SLC9A8: variants seen among roughly 807,000 people sequenced by gnomAD.
SLC9A8 encodes the protein solute carrier family 9 member A8.
SLC9A8 carries 48 observed loss-of-function variants against 66.6 expected under a neutral mutation model. The ratio of observed to expected loss-of-function variants is 0.72; its 90% CI spans 0.57 to 0.92. The LOEUF is 0.92. SLC9A8 is among the 40% of genes least tolerant of loss of function. The probability of loss-of-function intolerance (pLI) is 0.00; values close to 1 mark genes in which losing one functional copy is unlikely to be tolerated. For missense variants in SLC9A8, 599 were observed against 747.3 expected (o/e 0.80, Z 2.31); for synonymous variants, 274 against 282.6 (o/e 0.97, Z 0.31).
chr20:49,884,336 A>ACACACACACACACACACACCC (rs1568884621), intron 14 of SLC9A8, among the ~76,000 whole-genome samples: 1 of 108,478 alleles, frequency 9.2e-6, no homozygotes, highest in Admixed American at 9.7e-5. Context: ...ACACACACAC[A>ACACACACACACACACACACCC]CCCCCCGGTC....
At chr20:49,849,442 A>G (rs757877038) in intron 5 of SLC9A8, 137 bp from the exon 6 acceptor site, 15 of 654,002 alleles carry the variant, frequency 2.3e-5, no homozygotes, top group Non-Finnish European at 3.8e-5. Flanking sequence ...CCGGGCTCCC[A>G]GCTTGCCACA....
At chr20:49,861,989 C>T (rs1404470617) in intron 8 of SLC9A8, among the ~76,000 whole-genome samples, 2 of 152,062 alleles carry the variant, frequency 1.3e-5, no homozygotes, top group African/African-American at 4.8e-5. Context: ...TATCGACTCC[C>T]CAGGCCTTCA....
At chr20:49,855,344 C>A in intron 7 of SLC9A8, 94 bp from the exon 8 acceptor site, 1 of 1,277,850 alleles carries the variant, frequency 7.8e-7, no homozygotes, top group Non-Finnish European at 1.1e-6. Context: ...TGTAGTATTG[C>A]TTTCTGTTAA....
chr20:49,839,661 G>T, intron 4 of SLC9A8, 62 bp downstream of exon 4: 2 of 1,039,012 alleles, frequency 1.9e-6, no homozygotes, highest in Middle Eastern at 2.2e-4. Flanking sequence ...TGGCTTTTTT[G>T]TAATTACTTG....
chr20:49,886,051 C>T lies in SLC9A8; in HGVS notation c.1492-701C>T, dbSNP rs2089878761. On this transcript the variant is annotated intron_variant, in intron 14 of 15. Coordinates refer to ENST00000361573, the MANE Select transcript of SLC9A8 (RefSeq NM_015266.3). This position sits in a 1 kb window ranked among gnomAD's most constrained non-coding sequence, Gnocchi z 4.8. ...GTGTTTGACAACCACTGCTTCACAG[C>T]ATCTAAATGCCCTCCCCTCCCCGGC... Among the ~76,000 whole-genome samples, 1 of 152,172 alleles carries T rather than the reference C, an allele frequency of 6.6e-6. No homozygotes were observed. Among genetic ancestry groups the T allele is most frequent in the Non-Finnish European group, 1.5e-5 (1 of 68,026 alleles).
intron 4 of SLC9A8, among the ~76,000 whole-genome samples, chr20:49,844,716 C>T (rs2087910248): frequency 6.6e-6 from 1 of 150,778 alleles, no homozygotes; most frequent in African/African-American, 2.4e-5. Context: ...GAGAGGATCA[C>T]TTGAGCCCAG....
In SLC9A8 at chr20:49,887,859, A is replaced by ACTCTCACC; in HGVS notation, c.1670_1677dup (p.Asn560LeufsTer142). On this transcript the variant is annotated frameshift_variant, in exon 16 of 16. Coordinates refer to ENST00000361573, the MANE Select transcript of SLC9A8 (RefSeq NM_015266.3). LOFTEE classifies it high-confidence loss of function. ...GCACCACGGGCGCATCCAGATGAAA[A>ACTCTCACC]CTCTCACCAACAAGTGGTACGAGGA... is the stretch of plus-strand genomic sequence containing the variant. 1.2e-6 allele frequency: 2 copies of ACTCTCACC among 1,611,984 alleles called. No individual in the cohort carries two copies. The highest frequency in any genetic ancestry group is 1.7e-6 in the Non-Finnish European group (2 of 1,178,952).
chr20:49,888,000 A>G lies in SLC9A8; in HGVS notation c.*64A>G. 7 of 1,288,576 alleles carry G rather than the reference A, an allele frequency of 5.4e-6. No homozygotes were observed. Among genetic ancestry groups the G allele is most frequent in the Non-Finnish European group, 2.3e-6 (2 of 887,624 alleles). The allele number at this position is 1,288,576 out of a possible 1,614,324, so 79.8% of individuals were successfully genotyped here. ...GGGCGTTTGCTGCGCACAGACACTC[A>G]GCAGGGGCCTCGCAGAGATGCGTGC... On this transcript the variant is annotated 3_prime_UTR_variant, in exon 16 of 16. Transcript: ENST00000361573.
intron 10 of SLC9A8, among the ~76,000 whole-genome samples, chr20:49,872,630 C>T (rs182067679): frequency 8.1e-4 from 123 of 152,178 alleles, no homozygotes; most frequent in East Asian, 5.4e-3. Flanking sequence ...GGATTACAGG[C>T]GTGTGCCACC....
intron 3 of SLC9A8, among the ~76,000 whole-genome samples, chr20:49,825,176 A>G (rs1440704613): frequency 1.3e-5 from 2 of 152,188 alleles, no homozygotes; most frequent in African/African-American, 4.8e-5. Flanking sequence ...GCTACCTTTT[A>G]TATGAGATAA....
intron 4 of SLC9A8, among the ~76,000 whole-genome samples, chr20:49,843,970 C>T (rs921027715): frequency 1.3e-5 from 2 of 150,932 alleles, no homozygotes; most frequent in African/African-American, 4.9e-5. Context: ...CTTTCTTCCT[C>T]TCTTGCCATG....
At chr20:49,834,366 T>TGTGTATATATATATATA (rs2087394116) in intron 3 of SLC9A8, among the ~76,000 whole-genome samples, 1 of 41,760 alleles carries the variant, frequency 2.4e-5, no homozygotes, top group Non-Finnish European at 5.3e-5. Context: ...ATATATATAC[T>TGTGTATATATATATATA]GTGTATATAT....
intron 14 of SLC9A8, 101 bp downstream of exon 14, chr20:49,884,167 G>T: frequency 2.3e-6 from 2 of 882,262 alleles, no homozygotes; most frequent in Non-Finnish European, 3.5e-6. Flanking sequence ...TTGCTTTCTT[G>T]CTTTGAGGAT....
Position 49,891,639 on chromosome 20 carries a change from T to A in SLC9A8, c.*3703T>A, listed in dbSNP as rs960305869. 6.6e-6 allele frequency: 1 copy of A among 152,326 alleles called. No homozygotes were observed. Among genetic ancestry groups the A allele is most frequent in the Non-Finnish European group, 1.5e-5 (1 of 68,120 alleles). 9.4% of individuals were successfully genotyped at this position (152,326 alleles called of 1,614,324 possible). On this transcript the variant is annotated 3_prime_UTR_variant, in exon 16 of 16. Coordinates refer to ENST00000361573, the MANE Select transcript of SLC9A8 (RefSeq NM_015266.3). ...CCCGGCTGCTCTGCGGGGGCTTCAC[T>A]GGCTTCGGAGTGAGCGCGAAGTGCT...
At chr20:49,862,011 C>T (rs1294798161) in intron 8 of SLC9A8, among the ~76,000 whole-genome samples, 1 of 151,994 alleles carries the variant, frequency 6.6e-6, no homozygotes, top group East Asian at 1.9e-4. Flanking sequence ...GCTGAAATAC[C>T]AGCACCTTTC....
intron 3 of SLC9A8, chr20:49,830,373 C>T (rs1261877013): frequency 1.2e-6 from 1 of 850,366 alleles, no homozygotes; most frequent in Non-Finnish European, 2.1e-6. Context: ...GGGAAGAACC[C>T]CTGCTGAAGT....
chr20:49,854,793 G>A (rs1295886061), intron 7 of SLC9A8, among the ~76,000 whole-genome samples: 1 of 152,184 alleles, frequency 6.6e-6, no homozygotes, highest in Non-Finnish European at 1.5e-5. Context: ...TATGTGAAGT[G>A]CTTAGAACAG....
intron 4 of SLC9A8, among the ~76,000 whole-genome samples, chr20:49,843,107 C>T (rs1328705342): frequency 1.3e-5 from 2 of 152,116 alleles, no homozygotes; most frequent in Admixed American, 6.5e-5. Flanking sequence ...TAAGGTCACA[C>T]TCTGAGGTTC....
intron 3 of SLC9A8, among the ~76,000 whole-genome samples, chr20:49,833,469 T>G (rs2146523638): frequency 6.6e-6 from 1 of 152,306 alleles, no homozygotes; most frequent in African/African-American, 2.4e-5. Flanking sequence ...CAAAAAAAAT[T>G]AATACATTTG....
Sources: gnomAD v4.1 joint callset for allele counts (sites outside exome capture counted in the v4.1 genomes callset) on GRCh38, gnomAD v4.1.1 for gene constraint, Gnocchi (gnomAD v3.1) non-coding constraint, MANE v1.5 for transcripts, NCBI Gene and HGNC (gene_info 2026-07-23, HGNC 2026-07-21) for gene names.